Variants in COG5 observed in about 807,000 individuals in gnomAD.
COG5 encodes the protein conserved oligomeric Golgi complex subunit 5.
In COG5, 86 loss-of-function variants were observed where a neutral mutation model predicts 110.4. That is an observed-to-expected ratio of 0.78 (90% confidence interval 0.65 to 0.93). COG5 has a LOEUF of 0.93. Ranked by LOEUF, COG5 falls within the 40% of genes least tolerant of loss-of-function variation. The probability of loss-of-function intolerance (pLI) is 0.00; values close to 1 mark genes in which losing one functional copy is unlikely to be tolerated. For missense variants in COG5, 1,077 were observed against 987.0 expected, an observed-to-expected ratio of 1.09 and a Z score of -1.22; for synonymous variants, 360 against 334.6, an observed-to-expected ratio of 1.08 and a Z score of -0.83.
chr7:107,502,991 T>TG (rs1291207124), intron 6 of COG5, among the ~76,000 whole-genome samples: 1 of 152,148 alleles, frequency 6.6e-6, no homozygotes, highest in Non-Finnish European at 1.5e-5. Flanking sequence ...TTATTTCTTT[T>TG]GCTGTAGAGA....
At chr7:107,250,364 A>T (rs2116567658) in intron 16 of COG5, among the ~76,000 whole-genome samples, 1 of 152,262 alleles carries the variant, frequency 6.6e-6, no homozygotes, top group Non-Finnish European at 1.5e-5. Flanking sequence ...TGGCCAACTG[A>T]AGGTATGACA....
intron 14 of COG5, among the ~76,000 whole-genome samples, chr7:107,279,640 G>A (rs1312063943): frequency 6.6e-6 from 1 of 152,008 alleles, no homozygotes; most frequent in Admixed American, 6.6e-5. Flanking sequence ...TAAGACATTA[G>A]TCAATAATAT....
chr7:107,428,312 A>T (rs1793787347), intron 6 of COG5, among the ~76,000 whole-genome samples: 1 of 152,116 alleles, frequency 6.6e-6, no homozygotes, highest in Admixed American at 6.5e-5. Flanking sequence ...GTTAAACTGG[A>T]TTAGGGTGGC....
At chr7:107,332,877 G>A (rs75720484) in intron 10 of COG5, among the ~76,000 whole-genome samples, 7,971 of 152,212 alleles carry the variant, frequency 0.052, 267 homozygotes, top group Non-Finnish European at 0.078. Flanking sequence ...TGATACCGGA[G>A]AAAACCAAGA....
intron 6 of COG5, among the ~76,000 whole-genome samples, chr7:107,454,975 A>G (rs1795571233): frequency 6.6e-6 from 1 of 152,216 alleles, no homozygotes; most frequent in Non-Finnish European, 1.5e-5. Context: ...TAATTTATGA[A>G]ATAAAGAAAA....
intron 6 of COG5, among the ~76,000 whole-genome samples, chr7:107,477,485 A>C (rs533857122): frequency 6.6e-6 from 1 of 151,876 alleles, no homozygotes; most frequent in East Asian, 1.9e-4. Flanking sequence ...CTGTAATAAG[A>C]AATTAAATAA....
chr7:107,443,775 C>A (rs1350842711), intron 6 of COG5, among the ~76,000 whole-genome samples: 6 of 152,156 alleles, frequency 3.9e-5, no homozygotes, highest in Non-Finnish European at 8.8e-5. Context: ...AGGACTTATG[C>A]CAACTGGCAT....
At chr7:107,253,235 C>T (rs1173566569) in intron 16 of COG5, 1 of 152,110 alleles carries the variant, frequency 6.6e-6, no homozygotes, top group Non-Finnish European at 1.5e-5. Context: ...GAGAAGAGAG[C>T]ATCTTGGGGA....
chr7:107,272,240 A>T lies in COG5; in HGVS notation c.1575+9060T>A, dbSNP rs1804337608. Among the ~76,000 whole-genome samples, 4 of 152,324 alleles carry T rather than the reference A, an allele frequency of 2.6e-5. No homozygotes were observed. The South Asian group carries it at 8.3e-4, about 32-fold the overall frequency. On this transcript the variant is annotated intron_variant, in intron 14 of 21. Transcript: ENST00000297135. ...AGTCACCCCTCTGCTCACTGAGATAAATGTATATCTGATTGTCTCCTTTGG... is the reference window on the plus strand; with the variant it reads ...AGTCACCCCTCTGCTCACTGAGATATATGTATATCTGATTGTCTCCTTTGG...
At chr7:107,472,973 C>G (rs1444256612) in intron 6 of COG5, 1 of 151,494 alleles carries the variant, frequency 6.6e-6, no homozygotes, top group Non-Finnish European at 1.5e-5. Context: ...ATTCTAAACC[C>G]CTATATATTA....
intron 7 of COG5, among the ~76,000 whole-genome samples, chr7:107,374,628 T>C (rs1441859347): frequency 6.6e-6 from 1 of 152,072 alleles, no homozygotes; most frequent in Non-Finnish European, 1.5e-5. Context: ...TCTCAAAACA[T>C]GTTTGAAAAG....
At chr7:107,213,548 G>C (rs1562914486) in intron 19 of COG5, among the ~76,000 whole-genome samples, 1 of 152,178 alleles carries the variant, frequency 6.6e-6, no homozygotes, top group African/African-American at 2.4e-5. Context: ...GACGCTGCCA[G>C]ATATTAGAAG....
At position 107,284,480 on chromosome 7, in the gene COG5, C is replaced by T. The variant is rs7783676; in HGVS notation, c.1314-748G>A. Among the ~76,000 whole-genome samples the T allele has an allele frequency of 6.3e-3, 956 of 152,326 alleles. 15 individuals are homozygous for T. The highest frequency in any genetic ancestry group is 0.022 in the African/African-American group (910 of 41,560). ...ATAGCTGCCTCCCCAGTAAAGCTCA[C>T]TGACTGAGAGGGAAGTGTACAGACT... On this transcript the variant is annotated intron_variant, in intron 12 of 21. Coordinates refer to ENST00000297135, the MANE Select transcript of COG5 (RefSeq NM_006348.5).
Position 107,202,370 on chromosome 7 carries a change from T to G in COG5, c.*1146A>C, listed in dbSNP as rs556088585. 6.5e-6 allele frequency: 1 copy of G among 152,766 alleles called. No individual in the cohort carries two copies. The highest frequency in any genetic ancestry group is 1.9e-4 in the East Asian group (1 of 5,184). The allele number at this position is 152,766 out of a possible 1,614,324, so 9.5% of individuals were successfully genotyped here. A position where few individuals can be genotyped will look rare whatever the true frequency, so the allele number is the denominator to read the frequency against. ...TTTTGCTCTGAGCTACAATCATGGCTTTTCATGTTACTTACCAAGTGGTGT... is the reference window on the plus strand; with the variant it reads ...TTTTGCTCTGAGCTACAATCATGGCGTTTCATGTTACTTACCAAGTGGTGT... On this transcript the variant is annotated 3_prime_UTR_variant, in exon 22 of 22. Transcript: ENST00000297135.
chr7:107,483,845 A>T (rs1456551347), intron 6 of COG5, among the ~76,000 whole-genome samples: 1 of 152,008 alleles, frequency 6.6e-6, no homozygotes, highest in East Asian at 1.9e-4. Flanking sequence ...AGAGTCTCAT[A>T]AAGTACCCTA....
intron 6 of COG5, among the ~76,000 whole-genome samples, chr7:107,468,446 G>A (rs745847263): frequency 4.0e-5 from 6 of 149,012 alleles, no homozygotes; most frequent in East Asian, 2.0e-4. Flanking sequence ...TGTGTGTTTC[G>A]GTGTGTGTAA....
At chr7:107,297,064 A>G (rs890896882) in intron 12 of COG5, among the ~76,000 whole-genome samples, 2 of 152,164 alleles carry the variant, frequency 1.3e-5, no homozygotes, top group African/African-American at 4.8e-5. Flanking sequence ...TATGGCTCCT[A>G]AATATGGCTA....
chr7:107,517,200 A>G (rs1799981737), intron 6 of COG5, among the ~76,000 whole-genome samples: 1 of 152,182 alleles, frequency 6.6e-6, no homozygotes, highest in African/African-American at 2.4e-5. Flanking sequence ...TGAAGCATAC[A>G]CAAGTATCAA....
intron 7 of COG5, among the ~76,000 whole-genome samples, chr7:107,403,343 G>A (rs1266957615): frequency 6.6e-6 from 1 of 151,734 alleles, no homozygotes; most frequent in Non-Finnish European, 1.5e-5. Context: ...AGCAGTTTGG[G>A]TATCTGATAA....
Sources: allele counts gnomAD v4.1 joint callset (sites outside exome capture counted in the v4.1 genomes callset), GRCh38; gene constraint gnomAD v4.1.1; transcripts MANE v1.5; gene names NCBI Gene and HGNC (gene_info 2026-07-23, HGNC 2026-07-21).